EPAS1: variants seen among roughly 807,000 people sequenced by gnomAD.
EPAS1 encodes endothelial PAS domain protein 1, also known as endothelial PAS domain-containing protein 1.
Under a neutral mutation model 87.9 loss-of-function variants are expected in EPAS1, and 23 were observed. The ratio of observed to expected loss-of-function variants is 0.26; its 90% confidence interval spans 0.19 to 0.37. The LOEUF (loss-of-function observed/expected upper bound fraction) is 0.37. Among genes scored for constraint, EPAS1 ranks in the 10% least tolerant of loss-of-function variants. The pLI is 1.00. For synonymous variants in EPAS1, 508 were observed against 444.3 expected (o/e 1.14, Z -1.80); for missense variants, 1,138 against 1,120.7 (o/e 1.02, Z -0.22).
At chr2:46,376,902 G>A in intron 9 of EPAS1, 149 bp downstream of exon 9, 1 of 779,678 alleles carries the variant, frequency 1.3e-6, no homozygotes, top group South Asian at 1.6e-5. Context: ...TAGAGGCCAG[G>A]CCCTGCTGAG....
At chr2:46,367,733 C>A (rs937278615) in intron 6 of EPAS1, among the ~76,000 whole-genome samples, 4 of 152,238 alleles carry the variant, frequency 2.6e-5, no homozygotes, top group Admixed American at 2.6e-4. Context: ...GCTGAATCAG[C>A]TGAGACCTAA....
chr2:46,376,683 A>G lies in EPAS1; in HGVS notation c.1179A>G (p.Leu393=). The G allele has an allele frequency of 6.2e-7, 1 of 1,613,990 alleles. No homozygotes were observed. The highest frequency in any genetic ancestry group is 8.5e-7 in the Non-Finnish European group (1 of 1,180,020). ...AGAGTAACTTCCTATTCACCAAGCT[A>G]AAGGAGGAGCCCGAGGAGCTGGCCC... is the stretch of plus-strand genomic sequence containing the variant. ...SEKSNFLFTK[L]KEEPEELAQL... is the part of the protein sequence containing the mutation. The change falls in exon 9 of 16, where the codon CTA becomes CTG. Residue 393 remains leucine (L), a synonymous_variant. Transcript: ENST00000263734.
Position 46,381,969 on chromosome 2 carries a change from T to C in EPAS1, c.2173-6T>C. On this transcript the variant is annotated splice_polypyrimidine_tract_variant and splice_region_variant and intron_variant, in intron 13 of 15. Coordinates refer to ENST00000263734, the MANE Select transcript of EPAS1 (RefSeq NM_001430.5). ...TCCCCTTTCCATCTGCCCTTCTTAC[T>C]CCCAGGGGGACCCACCTGGTGGCAG... 2.7e-6 allele frequency: 4 copies of C among 1,456,966 alleles called. No individual in the cohort carries two copies. Among genetic ancestry groups the C allele is most frequent in the Non-Finnish European group, 3.7e-6 (4 of 1,077,394 alleles). 90.3% of individuals were successfully genotyped at this position (1,456,966 alleles called of 1,614,324 possible).
At chr2:46,358,006 G>A (rs546353308) in intron 4 of EPAS1, among the ~76,000 whole-genome samples, 3 of 152,336 alleles carry the variant, frequency 2.0e-5, no homozygotes, top group South Asian at 4.1e-4. Context: ...GAGATTCTGT[G>A]CATGTCTAGA....
In EPAS1 at chr2:46,346,922, C is replaced by A; in HGVS notation, c.76C>A (p.Arg26=). ...KEKSRDAARC[R]RSKETEVFYE... The stretch of plus-strand genomic sequence containing the variant: ...GAAGTCCCGGGATGCTGCGCGGTGC[C>A]GGCGGAGCAAGGAGACGGAGGTGTT... Residue 26 remains arginine, a synonymous_variant, in exon 2 of 16, where the codon CGG becomes AGG. Coordinates refer to ENST00000263734, the MANE Select transcript of EPAS1 (RefSeq NM_001430.5). The surrounding 1 kb of genome is among the most constrained non-coding windows in gnomAD (Gnocchi z 4.0). 2 of 1,614,200 alleles carry A rather than the reference C, an allele frequency of 1.2e-6. No individual in the cohort carries two copies. Among genetic ancestry groups the A allele is most frequent in the Non-Finnish European group, 1.7e-6 (2 of 1,180,038 alleles).
intron 1 of EPAS1, among the ~76,000 whole-genome samples, chr2:46,334,542 G>C (rs1417277243): frequency 6.6e-6 from 1 of 152,124 alleles, no homozygotes; most frequent in African/African-American, 2.4e-5. Flanking sequence ...CAGCCTTGCA[G>C]GCTTTCTCCT....
intron 1 of EPAS1, among the ~76,000 whole-genome samples, chr2:46,331,167 C>CA (rs1481910504): frequency 1.3e-5 from 2 of 152,316 alleles, no homozygotes; most frequent in East Asian, 3.9e-4. Context: ...AGTAAGTGTC[C>CA]AAGTCCTCAA....
Position 46,307,861 on chromosome 2 carries a change from T to A in EPAS1, c.26+9924T>A, listed in dbSNP as rs182554252. On this transcript the variant is annotated intron_variant, in intron 1 of 15. Transcript: ENST00000263734. ...TGTCCTATCCTCGGAGCACAGAGAA[T>A]CTTCAGAGTGGGATAGGGGTTTCTT... is the stretch of plus-strand genomic sequence containing the variant. Among the ~76,000 whole-genome samples the A allele has an allele frequency of 8.5e-3, 1,290 of 152,278 alleles. 61 individuals carry two copies. Among genetic ancestry groups the A allele is most frequent in the Admixed American group, 0.077 (1,183 of 15,284 alleles).
At chr2:46,377,444 C>T (rs200212442) in intron 9 of EPAS1, among the ~76,000 whole-genome samples, 1 of 152,170 alleles carries the variant, frequency 6.6e-6, no homozygotes, top group Non-Finnish European at 1.5e-5. Flanking sequence ...GTGTCAGCCC[C>T]TTTTAGATGG....
intron 1 of EPAS1, among the ~76,000 whole-genome samples, chr2:46,298,430 C>A (rs950558704): frequency 1.3e-5 from 2 of 152,182 alleles, no homozygotes; most frequent in African/African-American, 4.8e-5. Context: ...GGGCGGGAGG[C>A]GGAGAGCGGC....
At chr2:46,354,787 G>A (rs887864210) in intron 2 of EPAS1, among the ~76,000 whole-genome samples, 4 of 152,080 alleles carry the variant, frequency 2.6e-5, no homozygotes, top group African/African-American at 9.7e-5. Flanking sequence ...GACATGTGAG[G>A]CCCCTCCAGG....
intron 2 of EPAS1, among the ~76,000 whole-genome samples, chr2:46,351,491 G>GAT (rs1684143786): frequency 6.6e-6 from 1 of 152,156 alleles, no homozygotes; most frequent in Non-Finnish European, 1.5e-5. Context: ...TATGGCTAAG[G>GAT]ATCCAGTAAG....
rs1684272006 is a variant in EPAS1 at position 46,356,328 on chromosome 2, AAAG to A, written c.369+32_369+34del. The A allele has an allele frequency of 1.9e-6, 3 of 1,613,824 alleles. No homozygotes were observed. The South Asian group carries it at 3.3e-5, about 18-fold the overall frequency. Reference sequence around the variant, plus strand: ...GTGACACCCTCCTCTATCTCTTTCAAAAGAAGAAATGTTTCCATTTGGGGGTAG... The same window carrying A: ...GTGACACCCTCCTCTATCTCTTTCAAAAGAAATGTTTCCATTTGGGGGTAG... On this transcript the variant is annotated intron_variant, in intron 3 of 15. Transcript: ENST00000263734.
intron 1 of EPAS1, among the ~76,000 whole-genome samples, chr2:46,298,553 G>T (rs1682932539): frequency 6.6e-6 from 1 of 152,250 alleles, no homozygotes; most frequent in Admixed American, 6.5e-5. Flanking sequence ...CCTTGACTCT[G>T]GGGAGAGTAG....
chr2:46,298,253 C>T (rs1682926956), intron 1 of EPAS1, among the ~76,000 whole-genome samples: 1 of 152,250 alleles, frequency 6.6e-6, no homozygotes, highest in South Asian at 2.1e-4. Context: ...CGCCCCGCAG[C>T]AGATTACCGT....
intron 15 of EPAS1, among the ~76,000 whole-genome samples, chr2:46,382,885 A>G (rs577900912): frequency 5.2e-4 from 79 of 152,348 alleles, no homozygotes; most frequent in African/African-American, 1.6e-3. Context: ...GACTGCCCAA[A>G]GAGGACTGAA....
At chr2:46,361,447 C>A (rs1684385382) in intron 6 of EPAS1, among the ~76,000 whole-genome samples, 1 of 152,202 alleles carries the variant, frequency 6.6e-6, no homozygotes, top group South Asian at 2.1e-4. Flanking sequence ...TCCATCTGTA[C>A]TCCTGCTTCA....
intron 14 of EPAS1, 40 bp downstream of exon 14, chr2:46,382,129 G>A (rs372236248): frequency 3.1e-6 from 5 of 1,588,606 alleles, no homozygotes; most frequent in African/African-American, 1.3e-5. Flanking sequence ...TGGGGGTTCT[G>A]GTGGAAGGAC....
chr2:46,376,778 G>T (rs750611636), intron 9 of EPAS1, 25 bp downstream of exon 9: 2 of 1,610,812 alleles, frequency 1.2e-6, no homozygotes, highest in Non-Finnish European at 1.7e-6. Context: ...GCTAAGCCAG[G>T]CCCCTGGAAC....
Sources: gnomAD v4.1 joint callset for allele counts (sites outside exome capture counted in the v4.1 genomes callset) on GRCh38, gnomAD v4.1.1 for gene constraint, Gnocchi (gnomAD v3.1) non-coding constraint, MANE v1.5 for transcripts, NCBI Gene and HGNC (gene_info 2026-07-23, HGNC 2026-07-21) for gene names.